The following MBNL2 variants were observed in gnomAD, a reference collection of about 807,000 sequenced individuals.
MBNL2 encodes muscleblind-like protein 2.
In MBNL2, 17 loss-of-function variants were observed where a neutral mutation model predicts 41.9. The ratio of observed to expected loss-of-function variants is 0.41; its 90% CI spans 0.28 to 0.61. MBNL2 has a LOEUF of 0.61. MBNL2 is among the 20% of genes least tolerant of loss of function. The pLI is 0.35. For missense variants in MBNL2, 336 were observed against 505.6 expected (o/e 0.66, Z 3.22); for synonymous variants, 195 against 182.9 (o/e 1.07, Z -0.53).
intron 8 of MBNL2, among the ~76,000 whole-genome samples, chr13:97,388,716 G>A (rs1566457425): frequency 6.6e-6 from 1 of 152,020 alleles, no homozygotes; most frequent in Non-Finnish European, 1.5e-5. Flanking sequence ...TTCTTGATCT[G>A]TATCCCTGTT....
At chr13:97,281,647 A>G (rs1811253079) in intron 2 of MBNL2, among the ~76,000 whole-genome samples, 2 of 152,220 alleles carry the variant, frequency 1.3e-5, no homozygotes, top group African/African-American at 4.8e-5. Flanking sequence ...CTTTGCAGAA[A>G]TTGTTTGAGT....
At chr13:97,200,608 C>T in the MBNL2 span, among the ~76,000 whole-genome samples, 565 of 152,300 alleles carry the variant, frequency 3.7e-3, 3 homozygotes, top group African/African-American at 0.013. Context: ...TGACAGCAAA[C>T]AGTTTTAAAG....
chr13:97,248,572 C>T (rs897793630), intron 1 of MBNL2, among the ~76,000 whole-genome samples: 1 of 152,220 alleles, frequency 6.6e-6, no homozygotes, highest in South Asian at 2.1e-4. Flanking sequence ...CAACCATTCC[C>T]AAAACATGTG....
chr13:97,212,099 G>A, the MBNL2 span, among the ~76,000 whole-genome samples: 1 of 152,152 alleles, frequency 6.6e-6, no homozygotes, highest in African/African-American at 2.4e-5. Context: ...CCGTGCTATG[G>A]CTCTTGATAA....
intron 8 of MBNL2, among the ~76,000 whole-genome samples, chr13:97,378,853 G>C (rs557844076): frequency 2.6e-4 from 39 of 152,184 alleles, no homozygotes; most frequent in Admixed American, 2.0e-3. Context: ...TATCAGATGT[G>C]TATATACATT....
At chr13:97,201,210 T>C in the MBNL2 span, among the ~76,000 whole-genome samples, 1 of 152,178 alleles carries the variant, frequency 6.6e-6, no homozygotes, top group Non-Finnish European at 1.5e-5. Context: ...AGAAGAAAAG[T>C]GGGACTTCAA....
intron 1 of MBNL2, among the ~76,000 whole-genome samples, chr13:97,248,157 G>T (rs2045841952): frequency 6.6e-6 from 1 of 152,122 alleles, no homozygotes; most frequent in East Asian, 1.9e-4. Context: ...TTTTAAGATG[G>T]AGTCTTTCTC....
At chr13:97,181,263 C>T in the MBNL2 span, among the ~76,000 whole-genome samples, 2 of 152,136 alleles carry the variant, frequency 1.3e-5, no homozygotes, top group Non-Finnish European at 2.9e-5. Context: ...TTTAACCATG[C>T]ATTTTGCCAT....
At chr13:97,185,415 T>C in the MBNL2 span, among the ~76,000 whole-genome samples, 7 of 152,214 alleles carry the variant, frequency 4.6e-5, no homozygotes, top group Non-Finnish European at 5.9e-5. Context: ...TCCCAATTCC[T>C]GGAACCTGAG....
chr13:97,256,496 A>G (rs559579310), intron 1 of MBNL2, among the ~76,000 whole-genome samples: 34 of 152,316 alleles, frequency 2.2e-4, no homozygotes, highest in African/African-American at 8.2e-4. Flanking sequence ...TTTGCTGCTG[A>G]TGAGTCATTC....
intron 8 of MBNL2, among the ~76,000 whole-genome samples, chr13:97,379,380 G>T (rs2065230024): frequency 6.6e-6 from 1 of 151,980 alleles, no homozygotes; most frequent in Non-Finnish European, 1.5e-5. Context: ...TCTCAATCGA[G>T]ACTCACTTTT....
chr13:97,376,769 C>A (rs546118515), intron 8 of MBNL2, among the ~76,000 whole-genome samples: 1 of 152,248 alleles, frequency 6.6e-6, no homozygotes, highest in East Asian at 1.9e-4. Flanking sequence ...ATATGAAAGG[C>A]AGTAAGTCTT....
intron 2 of MBNL2, among the ~76,000 whole-genome samples, chr13:97,304,298 G>C (rs1381631285): frequency 6.6e-6 from 1 of 152,214 alleles, no homozygotes; most frequent in South Asian, 2.1e-4. Flanking sequence ...TGTAGGGATT[G>C]ACTTGGTGAG....
At chr13:97,166,826 AGATAGAT>A in the MBNL2 span, among the ~76,000 whole-genome samples, 31 of 151,572 alleles carry the variant, frequency 2.0e-4, no homozygotes, top group African/African-American at 3.6e-4. Flanking sequence ...ATAGATAGAT[AGATAGAT>A]AGATAGAAAG....
intron 2 of MBNL2, among the ~76,000 whole-genome samples, chr13:97,333,627 C>T (rs1186523554): frequency 4.6e-5 from 7 of 152,184 alleles, no homozygotes; most frequent in African/African-American, 1.7e-4. Context: ...CACCCCTGCA[C>T]ACTATTGCCT....
rs538924193 is a variant in MBNL2, at chr13:97,349,208, A to G, written c.804+2141A>G. ...TGTATGTATCCACACAAGAGGGTCA[A>G]TAAAATAGAGAAATTCTCCCTTTTT... On this transcript the variant is annotated intron_variant, in intron 5 of 8. Coordinates refer to ENST00000679496, the MANE Select transcript of MBNL2 (RefSeq NM_001382683.1). 1.6e-3 allele frequency among the ~76,000 whole-genome samples: 245 copies of G among 152,278 alleles called. 2 individuals are homozygous for G. Among genetic ancestry groups the G allele is most frequent in the African/African-American group, 5.8e-3 (240 of 41,544 alleles).
chr13:97,390,083 T>A (rs2153173476), intron 8 of MBNL2, among the ~76,000 whole-genome samples: 1 of 152,276 alleles, frequency 6.6e-6, no homozygotes, highest in East Asian at 1.9e-4. Context: ...CTAGGAATAT[T>A]TAAGAATCAA....
chr13:97,146,570 G>A, the MBNL2 span, among the ~76,000 whole-genome samples: 1 of 152,176 alleles, frequency 6.6e-6, no homozygotes, highest in African/African-American at 2.4e-5. Flanking sequence ...TTGTATGGAA[G>A]GAAGGACCTT....
At chr13:97,215,195 CATG>C in the MBNL2 span, among the ~76,000 whole-genome samples, 13,117 of 152,242 alleles carry the variant, frequency 0.086, 740 homozygotes, top group Admixed American at 0.14. Context: ...GGTCAGGAGG[CATG>C]ATATGACCAT....
Sources: allele counts gnomAD v4.1 joint callset (sites outside exome capture counted in the v4.1 genomes callset), GRCh38; gene constraint gnomAD v4.1.1; transcripts MANE v1.5; gene names NCBI Gene and HGNC (gene_info 2026-07-23, HGNC 2026-07-21).